ZNF804B: variants seen among roughly 807,000 people sequenced by gnomAD.
ZNF804B encodes the protein zinc finger 804B.
In ZNF804B, 80 loss-of-function variants were observed where a neutral mutation model predicts 101.4. The ratio of observed to expected loss-of-function variants is 0.79; its 90% CI spans 0.66 to 0.95. The LOEUF is 0.95. Among genes scored for constraint, ZNF804B ranks in the 40% least tolerant of loss-of-function variants. The probability of loss-of-function intolerance (pLI) is 0.00; values close to 1 mark genes in which losing one functional copy is unlikely to be tolerated. For missense variants in ZNF804B, 1,673 were observed against 1,561.9 expected (o/e 1.07, Z -1.20); for synonymous variants, 622 against 558.8 (o/e 1.11, Z -1.59).
At chr7:89,033,869 T>G (rs1451856273) in intron 1 of ZNF804B, among the ~76,000 whole-genome samples, 1 of 152,136 alleles carries the variant, frequency 6.6e-6, no homozygotes, top group Non-Finnish European at 1.5e-5. Flanking sequence ...TCAGTTATGT[T>G]ATTTAGAAGA....
rs1351317988 is a variant in ZNF804B, at chr7:89,337,283, G to C, written c.*251G>C. 6.6e-6 allele frequency among the ~76,000 whole-genome samples: 1 copy of C among 152,042 alleles called. No homozygotes were observed. Among genetic ancestry groups the C allele is most frequent in the Non-Finnish European group, 1.5e-5 (1 of 67,994 alleles). On this transcript the variant is annotated 3_prime_UTR_variant, in exon 4 of 4. Coordinates refer to ENST00000333190, the MANE Select transcript of ZNF804B (RefSeq NM_181646.5). ...TAGAGGGAAGAGGGAAAGAGTTAAAGATTTGTTTTGGATGGGTTCTCGCAT... is the reference window on the plus strand; with the variant it reads ...TAGAGGGAAGAGGGAAAGAGTTAAACATTTGTTTTGGATGGGTTCTCGCAT...
At chr7:88,992,326 G>A (rs554958238) in intron 1 of ZNF804B, among the ~76,000 whole-genome samples, 1 of 152,070 alleles carries the variant, frequency 6.6e-6, no homozygotes, top group Non-Finnish European at 1.5e-5. Flanking sequence ...TAAAGAGAAA[G>A]TCATGTGCTT....
Position 89,001,024 on chromosome 7 carries a change from TATATA to T in ZNF804B, c.109-217126_109-217122del, listed in dbSNP as rs552969388. 5.2e-3 allele frequency among the ~76,000 whole-genome samples: 762 copies of T among 146,980 alleles called. 3 individuals are homozygous for T. Among genetic ancestry groups the T allele is most frequent in the African/African-American group, 0.017 (703 of 40,692 alleles). The stretch of plus-strand genomic sequence containing the variant: ...ATATATAATGTATAGTATAATATAA[TATATA>T]ATATTATATATATTATTCAGGGGTG... On this transcript the variant is annotated intron_variant, in intron 1 of 3. Coordinates refer to ENST00000333190, the MANE Select transcript of ZNF804B (RefSeq NM_181646.5).
chr7:89,010,714 T>G (rs915570507), intron 1 of ZNF804B, among the ~76,000 whole-genome samples: 3 of 152,334 alleles, frequency 2.0e-5, no homozygotes, highest in African/African-American at 7.2e-5. Context: ...GTTGTAAAGC[T>G]CTCTCTTTTA....
intron 1 of ZNF804B, among the ~76,000 whole-genome samples, chr7:88,769,774 A>C (rs903660861): frequency 6.6e-6 from 1 of 152,194 alleles, no homozygotes; most frequent in Non-Finnish European, 1.5e-5. Flanking sequence ...TGGTTGTATC[A>C]TAATTGTTAA....
chr7:88,899,083 A>G (rs1455177445), intron 1 of ZNF804B, among the ~76,000 whole-genome samples: 2 of 152,164 alleles, frequency 1.3e-5, no homozygotes, highest in African/African-American at 2.4e-5. Context: ...CTTTCTTTAG[A>G]TTCCATTCTG....
intron 2 of ZNF804B, among the ~76,000 whole-genome samples, chr7:89,237,941 T>C (rs1307810004): frequency 6.6e-6 from 1 of 152,168 alleles, no homozygotes; most frequent in Non-Finnish European, 1.5e-5. Flanking sequence ...AAGAAGAAAC[T>C]GTTAATTGAC....
chr7:88,949,239 G>A (rs951775616), intron 1 of ZNF804B, among the ~76,000 whole-genome samples: 2 of 151,726 alleles, frequency 1.3e-5, no homozygotes, highest in Non-Finnish European at 1.5e-5. Context: ...TGGGACAATT[G>A]ACCATTTGCG....
intron 1 of ZNF804B, among the ~76,000 whole-genome samples, chr7:89,037,566 G>GATATAT (rs59604792): frequency 0.016 from 2,367 of 145,764 alleles, 74 homozygotes; most frequent in African/African-American, 0.056. Flanking sequence ...GTAATGCATG[G>GATATAT]ATATATATAT....
At chr7:88,771,380 A>G (rs1790058605) in intron 1 of ZNF804B, among the ~76,000 whole-genome samples, 1 of 152,134 alleles carries the variant, frequency 6.6e-6, no homozygotes, top group Admixed American at 6.5e-5. Flanking sequence ...TATATAAATT[A>G]TCACTAATCA....
intron 2 of ZNF804B, among the ~76,000 whole-genome samples, chr7:89,241,419 C>G (rs887609891): frequency 2.6e-5 from 4 of 152,068 alleles, no homozygotes; most frequent in African/African-American, 9.7e-5. Flanking sequence ...CTGAAATACA[C>G]TATTTACCCT....
At chr7:88,792,057 G>T (rs1213897931) in intron 1 of ZNF804B, among the ~76,000 whole-genome samples, 3 of 152,082 alleles carry the variant, frequency 2.0e-5, no homozygotes, top group East Asian at 3.9e-4. Flanking sequence ...TTGCTGGATT[G>T]CTCACAGCAT....
At chr7:88,835,685 C>G (rs978807792) in intron 1 of ZNF804B, among the ~76,000 whole-genome samples, 1 of 151,694 alleles carries the variant, frequency 6.6e-6, no homozygotes, top group Non-Finnish European at 1.5e-5. Flanking sequence ...TAGATATTTG[C>G]TTTTTATTTA....
chr7:88,889,478 G>C (rs1288961496), intron 1 of ZNF804B, among the ~76,000 whole-genome samples: 1 of 152,042 alleles, frequency 6.6e-6, no homozygotes, highest in Non-Finnish European at 1.5e-5. Context: ...TTGCCATTCT[G>C]ACTAGCATGA....
chr7:88,923,654 A>G (rs1032028879), intron 1 of ZNF804B, among the ~76,000 whole-genome samples: 2 of 152,088 alleles, frequency 1.3e-5, no homozygotes, highest in Non-Finnish European at 2.9e-5. Context: ...TTTTTCTTTT[A>G]GTTAAAAGTA....
intron 1 of ZNF804B, among the ~76,000 whole-genome samples, chr7:89,156,074 C>CTCTTTCTCTCTTTCCTT (rs1562899815): frequency 1.4e-5 from 1 of 69,734 alleles, no homozygotes; most frequent in Non-Finnish European, 2.9e-5. Context: ...CTTTCTTTCT[C>CTCTTTCTCTCTTTCCTT]TCTTTCTCTC....
At chr7:88,784,855 CTCTGCTTTTCTTTT>C (rs1214458464) in intron 1 of ZNF804B, among the ~76,000 whole-genome samples, 1 of 152,022 alleles carries the variant, frequency 6.6e-6, no homozygotes, top group African/African-American at 2.4e-5. Flanking sequence ...TCTTTTCTTT[CTCTGCTTTTCTTTT>C]TCTGCTTCTT....
At chr7:88,923,458 A>AT (rs1316851271) in intron 1 of ZNF804B, among the ~76,000 whole-genome samples, 1 of 152,160 alleles carries the variant, frequency 6.6e-6, no homozygotes, top group Non-Finnish European at 1.5e-5. Flanking sequence ...TCCAATTAAA[A>AT]TTTTATATAA....
intron 1 of ZNF804B, among the ~76,000 whole-genome samples, chr7:88,817,787 T>G (rs1790908145): frequency 6.6e-6 from 1 of 152,208 alleles, no homozygotes; most frequent in Admixed American, 6.5e-5. Flanking sequence ...GGATTTCATC[T>G]GTTTTTTTGC....
Sources: allele counts gnomAD v4.1 joint callset (sites outside exome capture counted in the v4.1 genomes callset), GRCh38; gene constraint gnomAD v4.1.1; transcripts MANE v1.5; gene names NCBI Gene and HGNC (gene_info 2026-07-23, HGNC 2026-07-21).